PPP2R3A: variants seen among roughly 807,000 people sequenced by gnomAD.
PPP2R3A encodes serine/threonine-protein phosphatase 2A regulatory subunit B'' subunit alpha.
In PPP2R3A, 80 loss-of-function variants were observed where a neutral mutation model predicts 106.9. The observed-to-expected ratio is 0.75, with a 90% CI of 0.62 to 0.90. The LOEUF is 0.90. Ranked by LOEUF, PPP2R3A falls within the 40% of genes least tolerant of loss-of-function variation. The pLI is 0.00. For synonymous variants in PPP2R3A, 483 were observed against 468.3 expected (o/e 1.03, Z -0.41); for missense variants, 1,386 against 1,350.4 (o/e 1.03, Z -0.41).
intron 6 of PPP2R3A, among the ~76,000 whole-genome samples, chr3:136,070,898 A>G (rs930075555): frequency 6.6e-6 from 1 of 152,252 alleles, no homozygotes; most frequent in Non-Finnish European, 1.5e-5. Context: ...TCCCAGAAAA[A>G]AAGATTGGTC....
chr3:136,023,285 T>TAAC (rs1934529413), intron 2 of PPP2R3A: 1 of 1,190,238 alleles, frequency 8.4e-7, no homozygotes, highest in African/African-American at 1.5e-5. Context: ...TCCAGTGAAC[T>TAAC]AACTCACAAG....
intron 2 of PPP2R3A, among the ~76,000 whole-genome samples, chr3:136,026,261 A>G (rs2107821576): frequency 6.6e-6 from 1 of 152,310 alleles, no homozygotes; most frequent in East Asian, 1.9e-4. Flanking sequence ...TCAGCCAGGT[A>G]GGGGACATTT....
chr3:135,991,864 TC>T (rs1185306345), intron 1 of PPP2R3A, among the ~76,000 whole-genome samples: 1 of 152,148 alleles, frequency 6.6e-6, no homozygotes, highest in Non-Finnish European at 1.5e-5. Context: ...TTTAAGCGCT[TC>T]CTAATTCCCA....
chr3:135,975,578 G>A (rs935792493), intron 1 of PPP2R3A, among the ~76,000 whole-genome samples: 3 of 152,158 alleles, frequency 2.0e-5, no homozygotes, highest in African/African-American at 7.2e-5. Flanking sequence ...TATAATTTCA[G>A]ATAGTAGTAA....
At chr3:136,004,710 A>G (rs557620083) in intron 2 of PPP2R3A, among the ~76,000 whole-genome samples, 81 of 152,278 alleles carry the variant, frequency 5.3e-4, no homozygotes, top group Non-Finnish European at 6.9e-4. Context: ...TGGATACACA[A>G]AATCCAATGT....
At chr3:136,100,034 T>C (rs1271578428) in intron 10 of PPP2R3A, among the ~76,000 whole-genome samples, 3 of 151,660 alleles carry the variant, frequency 2.0e-5, no homozygotes, top group Non-Finnish European at 2.9e-5. Flanking sequence ...CCCAGCCAAA[T>C]AGATGAGCTA....
chr3:135,984,012 A>C (rs1335245524), intron 1 of PPP2R3A, among the ~76,000 whole-genome samples: 1 of 152,158 alleles, frequency 6.6e-6, no homozygotes, highest in African/African-American at 2.4e-5. Flanking sequence ...TTTTTGAAAA[A>C]CAAAATTGGA....
intron 8 of PPP2R3A, among the ~76,000 whole-genome samples, chr3:136,086,699 T>C (rs1000988213): frequency 2.0e-5 from 3 of 152,200 alleles, no homozygotes; most frequent in Admixed American, 2.0e-4. Flanking sequence ...CAGCAAAATA[T>C]AGAAGGTCTT....
At chr3:136,139,874 T>C (rs959146894) in intron 13 of PPP2R3A, among the ~76,000 whole-genome samples, 3 of 150,942 alleles carry the variant, frequency 2.0e-5, no homozygotes, top group Non-Finnish European at 4.4e-5. Flanking sequence ...GGTGTGGTGG[T>C]GCATGCCTGT....
intron 5 of PPP2R3A, among the ~76,000 whole-genome samples, chr3:136,067,204 A>G (rs1936286073): frequency 6.6e-6 from 1 of 152,224 alleles, no homozygotes; most frequent in Admixed American, 6.5e-5. Context: ...ACTCAATAAA[A>G]TATTAAAGTA....
Position 136,047,160 on chromosome 3 carries a change from C to T in PPP2R3A, c.2367-2099C>T, listed in dbSNP as rs141055138. On this transcript the variant is annotated intron_variant, in intron 4 of 13. Coordinates refer to ENST00000264977, the MANE Select transcript of PPP2R3A (RefSeq NM_002718.5). ...GAGCGAGAGTACGCAACTTGGAAAA[C>T]GTATGAGGATATAGTCCACGGAAAT... Among the ~76,000 whole-genome samples the T allele has an allele frequency of 1.6e-3, 237 of 152,308 alleles. 4 individuals carry two copies. In the East Asian group the frequency reaches 0.043, roughly 27 times the overall value.
intron 10 of PPP2R3A, among the ~76,000 whole-genome samples, chr3:136,098,118 C>G (rs1249697000): frequency 1.3e-5 from 2 of 152,176 alleles, no homozygotes; most frequent in Non-Finnish European, 2.9e-5. Context: ...ACTTTGCCCA[C>G]TCTGGGCAAC....
chr3:135,989,036 A>AT (rs910769629), intron 1 of PPP2R3A, among the ~76,000 whole-genome samples: 32 of 151,228 alleles, frequency 2.1e-4, no homozygotes, highest in African/African-American at 5.8e-4. Context: ...GGTGAATGCT[A>AT]TTTTTTTTTA....
chr3:136,112,110 C>T (rs1306308172), intron 13 of PPP2R3A, among the ~76,000 whole-genome samples: 1 of 152,108 alleles, frequency 6.6e-6, no homozygotes, highest in African/African-American at 2.4e-5. Flanking sequence ...ATGTTAAAAA[C>T]CCTCAACAAA....
rs540004020 is a variant in PPP2R3A at position 135,971,411 on chromosome 3, AC to A, written c.-441+5563del. ...AGTTTGTCTTTTATCCATTTCTGCC[AC>A]ATTGGCAACCTTAACCTAGCAGAGA... On this transcript the variant is annotated intron_variant, in intron 1 of 13. Transcript: ENST00000264977. Among the ~76,000 whole-genome samples the A allele has an allele frequency of 7.2e-5, 11 of 152,326 alleles. No individual in the cohort carries two copies. The East Asian group carries it at 1.9e-3, about 27-fold the overall frequency.
chr3:135,966,951 G>A (rs1274330378), intron 1 of PPP2R3A, among the ~76,000 whole-genome samples: 1 of 151,862 alleles, frequency 6.6e-6, no homozygotes, highest in African/African-American at 2.4e-5. Context: ...GTCAGAGCAT[G>A]GGCGTCCAGT....
rs1365053047 is a variant in PPP2R3A, at chr3:136,002,585, A to T, written c.1087A>T (p.Met363Leu). 1 of 1,614,006 alleles carries T rather than the reference A, an allele frequency of 6.2e-7. No homozygotes were observed. The highest frequency in any genetic ancestry group is 8.5e-7 in the Non-Finnish European group (1 of 1,179,910). Reference protein sequence around the residue: ...LQNDKPNSRKMDTVQSIPNNS... With the variant: ...LQNDKPNSRKLDTVQSIPNNS... The stretch of plus-strand genomic sequence containing the variant: ...AAATGACAAGCCTAATTCTAGGAAG[A>T]TGGACACTGTACAATCCATTCCAAA... The change falls in exon 2 of 14, where the codon ATG (methionine) becomes TTG (leucine). Residue 363 changes from methionine to leucine, a missense_variant. Coordinates refer to ENST00000264977, the MANE Select transcript of PPP2R3A (RefSeq NM_002718.5).
intron 1 of PPP2R3A, among the ~76,000 whole-genome samples, chr3:135,973,000 C>T (rs1937290574): frequency 6.6e-6 from 1 of 152,162 alleles, no homozygotes; most frequent in African/African-American, 2.4e-5. Flanking sequence ...TTATATCTGA[C>T]AATCTATCAC....
In PPP2R3A at chr3:136,002,356, A is replaced by G. The variant is rs144538812; in HGVS notation, c.858A>G (p.Ala286=). 1 of 1,613,846 alleles carries G rather than the reference A, an allele frequency of 6.2e-7. No individual in the cohort carries two copies. The highest frequency in any genetic ancestry group is 1.3e-5 in the African/African-American group (1 of 74,930). ...TVYMNVMTRL[A]SYLKKLPFEF... ...ATATGAATGTAATGACCAGGTTAGC[A>G]TCCTATCTGAAAAAGTTACCATTTG... The change falls in exon 2 of 14, where the codon GCA becomes GCG. Residue 286 remains alanine (A), a synonymous_variant. Coordinates refer to ENST00000264977, the MANE Select transcript of PPP2R3A (RefSeq NM_002718.5).
Sources: allele counts gnomAD v4.1 joint callset (sites outside exome capture counted in the v4.1 genomes callset), GRCh38; gene constraint gnomAD v4.1.1; transcripts MANE v1.5; gene names NCBI Gene and HGNC (gene_info 2026-07-23, HGNC 2026-07-21).